The following ITGAM variants were observed in gnomAD, a reference collection of about 807,000 sequenced individuals.
ITGAM encodes the protein integrin alpha-M.
In ITGAM, 79 loss-of-function variants were observed where a neutral mutation model predicts 137.5. The ratio of observed to expected loss-of-function variants is 0.57; its 90% CI spans 0.48 to 0.69. The LOEUF is 0.69. Among genes scored for constraint, ITGAM ranks in the 30% least tolerant of loss-of-function variants. ITGAM has a pLI of 0.00. For missense variants in ITGAM, 1,343 were observed against 1,483.5 expected, an observed-to-expected ratio of 0.91 and a Z score of 1.56; for synonymous variants, 583 against 592.3, an observed-to-expected ratio of 0.98 and a Z score of 0.23.
At chr16:31,315,453 T>TA (rs924566153) in intron 14 of ITGAM, among the ~76,000 whole-genome samples, 4 of 152,066 alleles carry the variant, frequency 2.6e-5, no homozygotes, top group African/African-American at 7.3e-5. Context: ...TTAATTTTTT[T>TA]ATTTTTTAAT....
intron 14 of ITGAM, among the ~76,000 whole-genome samples, chr16:31,298,744 G>A (rs145408194): frequency 1.1e-3 from 174 of 152,286 alleles, no homozygotes; most frequent in Non-Finnish European, 1.7e-3. Context: ...TCTCAGAATC[G>A]CCCTGTGCTT....
Position 31,331,870 on chromosome 16 carries a change from A to T in ITGAM, c.*163A>T. The stretch of plus-strand genomic sequence containing the variant: ...GCAAGTGTGTATGTGCGTGTGTGCA[A>T]GTGTCTGTGTGCAAGTGTGTGCACA... On this transcript the variant is annotated 3_prime_UTR_variant, in exon 30 of 30. Coordinates refer to ENST00000544665, the MANE Select transcript of ITGAM (RefSeq NM_000632.4). 1 of 598,000 alleles carries T rather than the reference A, an allele frequency of 1.7e-6. No homozygotes were observed. The highest frequency in any genetic ancestry group is 2.9e-6 in the Non-Finnish European group (1 of 340,296). The allele number at this position is 598,000 out of a possible 1,614,324, so 37.0% of individuals were successfully genotyped here.
At chr16:31,274,608 T>A (rs911646829) in intron 8 of ITGAM, among the ~76,000 whole-genome samples, 2 of 115,524 alleles carry the variant, frequency 1.7e-5, no homozygotes, top group African/African-American at 4.8e-5. Context: ...TTTTATTTAT[T>A]TATATTTATT....
At chr16:31,297,424 C>G (rs557843692) in intron 12 of ITGAM, 90 bp from the exon 13 acceptor site, 13 of 1,534,482 alleles carry the variant, frequency 8.5e-6, no homozygotes, top group Non-Finnish European at 1.2e-5. Context: ...GGGATTCCCC[C>G]AGCAGGCATA....
chr16:31,264,780 A>T (rs2079744877), intron 2 of ITGAM, among the ~76,000 whole-genome samples: 1 of 152,222 alleles, frequency 6.6e-6, no homozygotes, highest in Non-Finnish European at 1.5e-5. Context: ...GCCTCAAATG[A>T]TGCTCCTGCC....
At chr16:31,318,864 T>C (rs1439953111) in intron 14 of ITGAM, among the ~76,000 whole-genome samples, 2 of 152,236 alleles carry the variant, frequency 1.3e-5, no homozygotes, top group South Asian at 2.1e-4. Context: ...TCCCGAACTT[T>C]CCTTTAGTAC....
At position 31,278,100 on chromosome 16, in the gene ITGAM, G is replaced by T; in HGVS notation, c.1347G>T (p.Lys449Asn). 6.2e-7 allele frequency: 1 copy of T among 1,607,264 alleles called. No individual in the cohort carries two copies. Among genetic ancestry groups the T allele is most frequent in the Non-Finnish European group, 8.5e-7 (1 of 1,176,970 alleles). Residue 449 changes from lysine to asparagine, a missense_variant, in exon 12 of 30, where the codon AAG becomes AAT. Coordinates refer to ENST00000544665, the MANE Select transcript of ITGAM (RefSeq NM_000632.4). The stretch of plus-strand genomic sequence containing the variant: ...TGTGGGAGTCCAACGCTAATGTCAA[G>T]GGCACCCAGGTGAGTGCGGTTTGTG... The part of the protein sequence containing the change: ...TGMWESNANV[K>N]GTQIGAYFGA...
chr16:31,308,283 T>C (rs1278990030), intron 14 of ITGAM, among the ~76,000 whole-genome samples: 2 of 152,044 alleles, frequency 1.3e-5, no homozygotes, highest in Middle Eastern at 3.4e-3. Context: ...GGTCCTGGAC[T>C]TTTTTTTGGT....
chr16:31,329,975 T>G, intron 25 of ITGAM, 70 bp downstream of exon 25: 1 of 1,527,686 alleles, frequency 6.5e-7, no homozygotes, highest in South Asian at 1.2e-5. Flanking sequence ...TGCTATTGGG[T>G]TTTAGAGCCG....
chr16:31,327,043 T>G, intron 22 of ITGAM, 108 bp downstream of exon 22: 1 of 850,366 alleles, frequency 1.2e-6, no homozygotes. Flanking sequence ...TTCAACTCAT[T>G]TGTTCACTCA....
intron 25 of ITGAM, 38 bp from the exon 26 acceptor site, chr16:31,330,041 CCT>C: frequency 6.3e-7 from 1 of 1,595,460 alleles, no homozygotes; most frequent in Non-Finnish European, 8.6e-7. Context: ...GGCCCTGGCG[CCT>C]TCATCTCTGC....
chr16:31,311,022 A>C (rs2080323642), intron 14 of ITGAM, among the ~76,000 whole-genome samples: 1 of 152,184 alleles, frequency 6.6e-6, no homozygotes, highest in South Asian at 2.1e-4. Context: ...TGACAAAAAG[A>C]AGAAATGGGG....
At chr16:31,266,862 ATTTTTTTTTTTTT>A (rs79448805) in intron 5 of ITGAM, among the ~76,000 whole-genome samples, 31 of 145,066 alleles carry the variant, frequency 2.1e-4, no homozygotes, top group Non-Finnish European at 2.1e-4. Flanking sequence ...GACTGTATGG[ATTTTTTTTTTTTT>A]TTTTTTTTTT....
chr16:31,283,365 G>T (rs920213124), intron 12 of ITGAM, among the ~76,000 whole-genome samples: 1 of 152,156 alleles, frequency 6.6e-6, no homozygotes, highest in Non-Finnish European at 1.5e-5. Context: ...CCAATCAGAC[G>T]TAGATTTGGT....
At chr16:31,281,772 T>C (rs1192808055) in intron 12 of ITGAM, among the ~76,000 whole-genome samples, 2 of 152,234 alleles carry the variant, frequency 1.3e-5, no homozygotes, top group African/African-American at 4.8e-5. Context: ...CTTTTGAATG[T>C]GTTTGCTCTT....
chr16:31,290,003 T>G (rs1265660463), intron 12 of ITGAM, among the ~76,000 whole-genome samples: 3 of 147,954 alleles, frequency 2.0e-5, no homozygotes, highest in Non-Finnish European at 4.4e-5. Flanking sequence ...ATCGCTTGAA[T>G]CTGGGAGGCA....
intron 5 of ITGAM, among the ~76,000 whole-genome samples, chr16:31,267,888 C>T (rs1445169410): frequency 6.6e-6 from 1 of 152,094 alleles, no homozygotes; most frequent in South Asian, 2.1e-4. Flanking sequence ...AAGAGATCTT[C>T]CCACCTCAGC....
At chr16:31,260,827 G>C (rs2079690660) in intron 1 of ITGAM, among the ~76,000 whole-genome samples, 2 of 152,198 alleles carry the variant, frequency 1.3e-5, no homozygotes, top group Non-Finnish European at 2.9e-5. Context: ...CTGCCAGCTA[G>C]AGATTGAAGA....
chr16:31,295,507 T>C (rs1160202621), intron 12 of ITGAM, among the ~76,000 whole-genome samples: 1 of 151,856 alleles, frequency 6.6e-6, no homozygotes, highest in African/African-American at 2.4e-5. Context: ...TGTTAGTGTA[T>C]AGAAGCACTA....
Sources: allele counts gnomAD v4.1 joint callset (sites outside exome capture counted in the v4.1 genomes callset), GRCh38; gene constraint gnomAD v4.1.1; transcripts MANE v1.5; gene names NCBI Gene and HGNC (gene_info 2026-07-23, HGNC 2026-07-21).